SLC9A9: variants seen among roughly 807,000 people sequenced by gnomAD.
SLC9A9 encodes the protein solute carrier family 9 member A9, also known as sodium/hydrogen exchanger 9.
In SLC9A9, 62 loss-of-function variants were observed where a neutral mutation model predicts 77.8. The ratio of observed to expected loss-of-function variants is 0.80; its 90% CI spans 0.65 to 0.98. SLC9A9 has a LOEUF of 0.98. Among genes scored for constraint, SLC9A9 ranks in the 50% least tolerant of loss-of-function variants. SLC9A9 has a pLI of 0.00. For missense variants in SLC9A9, 775 were observed against 774.9 expected (o/e 1.00, Z 0.00); for synonymous variants, 320 against 283.5 (o/e 1.13, Z -1.29).
chr3:143,547,314 T>C (rs1219980626), intron 9 of SLC9A9, among the ~76,000 whole-genome samples: 1 of 152,154 alleles, frequency 6.6e-6, no homozygotes, highest in African/African-American at 2.4e-5. Context: ...AAATTGTATT[T>C]TTCTCCTAGA....
chr3:143,578,364 C>A (rs1419382745), intron 7 of SLC9A9, among the ~76,000 whole-genome samples: 1 of 152,140 alleles, frequency 6.6e-6, no homozygotes, highest in African/African-American at 2.4e-5. Context: ...AGCATTAGAA[C>A]TGACCTTGGG....
chr3:143,622,591 G>T (rs1305325344), intron 6 of SLC9A9, among the ~76,000 whole-genome samples: 2 of 152,102 alleles, frequency 1.3e-5, no homozygotes, highest in Non-Finnish European at 2.9e-5. Flanking sequence ...CACCAGGCCT[G>T]CCCTAAAAGA....
rs1400017184 is a variant in SLC9A9 at position 143,578,499 on chromosome 3, C to T, written c.894+86G>A. On this transcript the variant is annotated intron_variant, in intron 7 of 15. Coordinates refer to ENST00000316549, the MANE Select transcript of SLC9A9 (RefSeq NM_173653.4). ...ACCAGACTATCTAGCCTTTTATGGG[C>T]CTGGAGGTTGTCCATCATCAGAAAT... 4.4e-6 allele frequency: 7 copies of T among 1,598,134 alleles called. No individual in the cohort carries two copies. In the East Asian group the frequency reaches 6.7e-5, roughly 15 times the overall value.
intron 5 of SLC9A9, among the ~76,000 whole-genome samples, chr3:143,685,597 T>C (rs1933239582): frequency 6.6e-6 from 1 of 152,054 alleles, no homozygotes; most frequent in Non-Finnish European, 1.5e-5. Context: ...AACAGGGAAA[T>C]TGATGAAGTG....
chr3:143,508,806 T>A (rs116353755), intron 9 of SLC9A9, among the ~76,000 whole-genome samples: 1 of 152,322 alleles, frequency 6.6e-6, no homozygotes, highest in East Asian at 1.9e-4. Flanking sequence ...TTGGGTAAGA[T>A]ATAAAAGTAA....
intron 2 of SLC9A9, among the ~76,000 whole-genome samples, chr3:143,804,804 C>T (rs1055309431): frequency 4.6e-5 from 7 of 152,152 alleles, no homozygotes; most frequent in Non-Finnish European, 1.0e-4. Context: ...GAATAGCAGG[C>T]ATTTCAACCT....
intron 6 of SLC9A9, among the ~76,000 whole-genome samples, chr3:143,601,749 G>C (rs1390126826): frequency 6.6e-6 from 1 of 152,172 alleles, no homozygotes; most frequent in African/African-American, 2.4e-5. Context: ...TTGATAAGTG[G>C]CTACATCAGA....
chr3:143,489,895 T>C (rs1303227027), intron 11 of SLC9A9, among the ~76,000 whole-genome samples: 1 of 152,034 alleles, frequency 6.6e-6, no homozygotes, highest in Non-Finnish European at 1.5e-5. Flanking sequence ...AATACACAAA[T>C]GGCTAGTAAG....
At chr3:143,776,040 T>C (rs1485574985) in intron 4 of SLC9A9, among the ~76,000 whole-genome samples, 2 of 152,222 alleles carry the variant, frequency 1.3e-5, no homozygotes, top group Non-Finnish European at 2.9e-5. Flanking sequence ...CCTTGGGACA[T>C]TGAAGAAATG....
intron 8 of SLC9A9, among the ~76,000 whole-genome samples, chr3:143,563,781 T>G (rs2108648454): frequency 6.6e-6 from 1 of 152,336 alleles, no homozygotes; most frequent in African/African-American, 2.4e-5. Context: ...CAAGCATTGC[T>G]CTAGATGACC....
chr3:143,448,439 C>T (rs924846329), intron 12 of SLC9A9, among the ~76,000 whole-genome samples: 1 of 152,086 alleles, frequency 6.6e-6, no homozygotes, highest in Non-Finnish European at 1.5e-5. Flanking sequence ...GAAAAAGGAA[C>T]ATCTTCCTGC....
chr3:143,706,636 T>C (rs1051834114), intron 4 of SLC9A9, among the ~76,000 whole-genome samples: 18 of 152,180 alleles, frequency 1.2e-4, no homozygotes, highest in African/African-American at 4.3e-4. Flanking sequence ...CAAGGATCCA[T>C]GAAGACTGCG....
At chr3:143,549,375 G>T (rs948883918) in intron 9 of SLC9A9, among the ~76,000 whole-genome samples, 11 of 152,120 alleles carry the variant, frequency 7.2e-5, no homozygotes, top group African/African-American at 2.7e-4. Context: ...ATGTACATAG[G>T]CTGTGTATGT....
chr3:143,712,738 A>G (rs1009581550), intron 4 of SLC9A9, among the ~76,000 whole-genome samples: 8 of 152,228 alleles, frequency 5.3e-5, no homozygotes, highest in African/African-American at 1.9e-4. Flanking sequence ...CCCTCAAAGA[A>G]CCAGTGAGTT....
chr3:143,584,867 A>C (rs925923745), intron 6 of SLC9A9, among the ~76,000 whole-genome samples: 1 of 152,326 alleles, frequency 6.6e-6, no homozygotes, highest in Non-Finnish European at 1.5e-5. Flanking sequence ...CCTGTAGAAT[A>C]TTCTAGAGCA....
chr3:143,434,063 AAAAGT>A (rs2034576027), intron 12 of SLC9A9, among the ~76,000 whole-genome samples: 1 of 152,156 alleles, frequency 6.6e-6, no homozygotes, highest in South Asian at 2.1e-4. Context: ...CAATAAGATG[AAAAGT>A]AAAGTATATG....
At chr3:143,674,934 A>C (rs1465785740) in intron 5 of SLC9A9, among the ~76,000 whole-genome samples, 1 of 152,156 alleles carries the variant, frequency 6.6e-6, no homozygotes, top group African/African-American at 2.4e-5. Flanking sequence ...TTTTATATTC[A>C]TCGGGGCTGT....
At chr3:143,815,880 C>A (rs910650876) in intron 2 of SLC9A9, among the ~76,000 whole-genome samples, 11 of 152,140 alleles carry the variant, frequency 7.2e-5, no homozygotes, top group African/African-American at 2.7e-4. Flanking sequence ...AACAAACAAA[C>A]AAACAAACAA....
chr3:143,844,956 A>G (rs995639228), intron 1 of SLC9A9, among the ~76,000 whole-genome samples: 3 of 151,988 alleles, frequency 2.0e-5, no homozygotes, highest in African/African-American at 7.3e-5. Context: ...TAATCCTTTA[A>G]TGGAAAGGGG....
Sources: gnomAD v4.1 joint callset for allele counts (sites outside exome capture counted in the v4.1 genomes callset) on GRCh38, gnomAD v4.1.1 for gene constraint, MANE v1.5 for transcripts, NCBI Gene and HGNC (gene_info 2026-07-23, HGNC 2026-07-21) for gene names.